Variants in MTRF1 observed in about 807,000 individuals in gnomAD.
MTRF1 encodes peptide chain release factor 1, mitochondrial.
In MTRF1, 51 loss-of-function variants were observed where a neutral mutation model predicts 62.9. The observed-to-expected ratio is 0.81, with a 90% CI of 0.65 to 1.02. MTRF1 has a LOEUF of 1.02. MTRF1 is among the 50% of genes least tolerant of loss of function. The pLI, the probability that MTRF1 is intolerant of heterozygous loss-of-function variation, is 0.00. For synonymous variants in MTRF1, 158 were observed against 181.9 expected, an observed-to-expected ratio of 0.87 and a Z score of 1.06; for missense variants, 446 against 530.0, an observed-to-expected ratio of 0.84 and a Z score of 1.56.
chr13:41,229,062 T>A (rs1285344229), intron 7 of MTRF1: 1 of 152,224 alleles, frequency 6.6e-6, no homozygotes, highest in Non-Finnish European at 1.5e-5. Flanking sequence ...TGACATGCCT[T>A]GCTTGCCTAA....
chr13:41,297,649 C>T, the MTRF1 span, among the ~76,000 whole-genome samples: 1 of 151,758 alleles, frequency 6.6e-6, no homozygotes, highest in African/African-American at 2.4e-5. Flanking sequence ...TATCTTGGCT[C>T]ACCACAACCT....
At chr13:41,257,420 A>G (rs976849861) in intron 2 of MTRF1, among the ~76,000 whole-genome samples, 2 of 152,338 alleles carry the variant, frequency 1.3e-5, no homozygotes, top group Admixed American at 6.5e-5. Context: ...TGCAAGCTAC[A>G]TCACAAAGGT....
the MTRF1 span, among the ~76,000 whole-genome samples, chr13:41,305,246 C>T: frequency 2.6e-5 from 4 of 152,104 alleles, no homozygotes; most frequent in African/African-American, 4.8e-5. Context: ...TTTGTAGAGA[C>T]GGGGTCTCAC....
At chr13:41,294,432 A>G in the MTRF1 span, among the ~76,000 whole-genome samples, 1 of 148,890 alleles carries the variant, frequency 6.7e-6, no homozygotes, top group Non-Finnish European at 1.5e-5. Context: ...AAAAAAAAAA[A>G]GAAAGAAAGA....
At chr13:41,302,430 G>T in the MTRF1 span, among the ~76,000 whole-genome samples, 3 of 151,864 alleles carry the variant, frequency 2.0e-5, no homozygotes, top group African/African-American at 7.3e-5. Context: ...GCTTATTTTT[G>T]AGGATTTTCA....
At chr13:41,304,800 A>G in the MTRF1 span, among the ~76,000 whole-genome samples, 1 of 152,222 alleles carries the variant, frequency 6.6e-6, no homozygotes, top group Non-Finnish European at 1.5e-5. Context: ...ACAGGCAGCT[A>G]TGAAAGTTGC....
the MTRF1 span, among the ~76,000 whole-genome samples, chr13:41,269,284 C>T: frequency 7.1e-6 from 1 of 141,474 alleles, no homozygotes; most frequent in Admixed American, 7.5e-5. Flanking sequence ...ACTGCAACCT[C>T]TGCCTCTCGA....
chr13:41,252,237 A>C (rs1593969151), intron 5 of MTRF1: 1 of 152,614 alleles, frequency 6.6e-6, no homozygotes, highest in East Asian at 1.9e-4. Context: ...CAAATGATTA[A>C]CTTTTTCCGC....
rs1320362642 is a variant in MTRF1 at position 41,260,775 on chromosome 13, T to C, written c.133A>G (p.Asn45Asp). 9 of 1,614,090 alleles carry C rather than the reference T, an allele frequency of 5.6e-6. No homozygotes were observed. ...AACAGATGAAGAATGCAATTCCTGT[T>C]TTGTCTAAAAACTTGCAGCCTTGTA... is the stretch of plus-strand genomic sequence containing the variant. ...LDTRLQVFRQ[N>D]RNCILHLLSK... The change falls in exon 2 of 10, where the codon AAC becomes GAC. Residue 45 changes from asparagine to aspartate, a missense_variant. By Grantham distance (23) the Asn-to-Asp change is conservative. Transcript: ENST00000379480.
the MTRF1 span, among the ~76,000 whole-genome samples, chr13:41,301,449 T>C: frequency 6.6e-5 from 10 of 152,018 alleles, no homozygotes; most frequent in South Asian, 2.1e-4. Context: ...GCAGATGATA[T>C]AGAAAGGCAA....
chr13:41,229,949 A>C (rs1005838167), intron 7 of MTRF1, among the ~76,000 whole-genome samples: 3 of 152,024 alleles, frequency 2.0e-5, no homozygotes, highest in Non-Finnish European at 4.4e-5. Context: ...AAAAATACAA[A>C]AATTAGCCAG....
At chr13:41,293,681 T>C in the MTRF1 span, among the ~76,000 whole-genome samples, 4 of 152,208 alleles carry the variant, frequency 2.6e-5, no homozygotes, top group Admixed American at 2.6e-4. Context: ...TTTGATACCA[T>C]GACTAACTTT....
chr13:41,217,212 C>T lies in MTRF1; in HGVS notation c.1241G>A (p.Gly414Glu). The change falls in exon 10 of 10, where the codon GGG becomes GAG. Residue 414 changes from glycine (G) to glutamate (E), a missense_variant. Gly to Glu is a moderately conservative substitution (Grantham distance 98, BLOSUM62 -2). Coordinates refer to ENST00000379480, the MANE Select transcript of MTRF1 (RefSeq NM_004294.4). ...VRDIKEFLCG[G>E]KGLDQLIQRL... ...CTGAATTAGCTGATCCAGGCCCTTC[C>T]CACCACATAAAAATTCCTGGTAAAA... 1 of 1,602,962 alleles carries T rather than the reference C, an allele frequency of 6.2e-7. No homozygotes were observed. The highest frequency in any genetic ancestry group is 2.2e-5 in the East Asian group (1 of 44,594).
chr13:41,225,308 T>A (rs569068417), intron 8 of MTRF1, among the ~76,000 whole-genome samples: 1 of 152,180 alleles, frequency 6.6e-6, no homozygotes, highest in South Asian at 2.1e-4. Context: ...GTGGCAGAGT[T>A]CATAGTGTCT....
the MTRF1 span, among the ~76,000 whole-genome samples, chr13:41,304,870 T>C: frequency 6.6e-6 from 1 of 152,226 alleles, no homozygotes; most frequent in East Asian, 1.9e-4. Context: ...AATCAGCAAA[T>C]GGCCCATTGG....
chr13:41,301,366 C>A, the MTRF1 span, among the ~76,000 whole-genome samples: 1 of 152,118 alleles, frequency 6.6e-6, no homozygotes, highest in African/African-American at 2.4e-5. Context: ...GGTGACCCAA[C>A]AACGCACTAT....
At chr13:41,234,755 T>C (rs2036186458) in intron 6 of MTRF1, among the ~76,000 whole-genome samples, 3 of 152,088 alleles carry the variant, frequency 2.0e-5, no homozygotes, top group African/African-American at 7.2e-5. Context: ...CAGTGAAAAA[T>C]ATGAGTTGCT....
the MTRF1 span, chr13:41,311,262 A>G: frequency 7.3e-6 from 4 of 546,926 alleles, no homozygotes; most frequent in Admixed American, 3.7e-5. Context: ...CCTGGCTGCC[A>G]TCTTGCAGTG....
rs937138158 is a variant in MTRF1, at chr13:41,263,401, G to A, written c.-9+84C>T. 13 of 722,306 alleles carry A rather than the reference G, an allele frequency of 1.8e-5. No homozygotes were observed. The African/African-American group carries it at 2.4e-4, about 13-fold the overall frequency. The allele number at this position is 722,306 out of a possible 1,614,324, so 44.7% of individuals were successfully genotyped here. ...CGGGGCAGCAGCACGGGCAAACCAT[G>A]CTGTGTAACTCAGTATATGGAGTGA... On this transcript the variant is annotated intron_variant, in intron 1 of 9. Coordinates refer to ENST00000379480, the MANE Select transcript of MTRF1 (RefSeq NM_004294.4).
Sources: gnomAD v4.1 joint callset for allele counts (sites outside exome capture counted in the v4.1 genomes callset) on GRCh38, gnomAD v4.1.1 for gene constraint, MANE v1.5 for transcripts, NCBI Gene and HGNC (gene_info 2026-07-23, HGNC 2026-07-21) for gene names.